PRKG1: variants seen among roughly 807,000 people sequenced by gnomAD.
PRKG1 encodes protein kinase cGMP-dependent 1, also known as cGMP-dependent protein kinase 1.
PRKG1 carries 35 observed loss-of-function variants against 88.1 expected under a neutral mutation model. The ratio of observed to expected loss-of-function variants is 0.40; its 90% CI spans 0.30 to 0.53. The LOEUF is 0.53. PRKG1 is among the 20% of genes least tolerant of loss of function. PRKG1 has a pLI of 0.59. For missense variants in PRKG1, 540 were observed against 839.8 expected (o/e 0.64, Z 4.41); for synonymous variants, 303 against 292.5 (o/e 1.04, Z -0.37).
chr10:51,858,324 T>TAAAA lies in PRKG1; in HGVS notation c.699-49183_699-49182insAAAA, dbSNP rs1448770809. Reference sequence around the variant, plus strand: ...ATAATATATATATGTATAATATGTATTATATATAATATATATATTATATAA... The same window carrying TAAAA: ...ATAATATATATATGTATAATATGTATAAAATATATATAATATATATATTATATAA... On this transcript the variant is annotated intron_variant, in intron 4 of 17. Coordinates refer to ENST00000373980, the MANE Select transcript of PRKG1 (RefSeq NM_006258.4). Among the ~76,000 whole-genome samples the TAAAA allele has an allele frequency of 2.1e-3, 16 of 7,798 alleles. 2 individuals carry two copies. Among genetic ancestry groups the TAAAA allele is most frequent in the South Asian group, 6.1e-3 (1 of 164 alleles). 5.1% of individuals were successfully genotyped at this position (7,798 alleles called of 152,430 possible).
In PRKG1 at chr10:52,273,597, C is replaced by A. The variant is rs182857447; in HGVS notation, c.1403+1116C>A. 2.2e-3 allele frequency among the ~76,000 whole-genome samples: 330 copies of A among 152,144 alleles called. 1 individual carries two copies. Among genetic ancestry groups the A allele is most frequent in the South Asian group, 0.017 (81 of 4,820 alleles). On this transcript the variant is annotated intron_variant, in intron 12 of 17. Coordinates refer to ENST00000373980, the MANE Select transcript of PRKG1 (RefSeq NM_006258.4). The stretch of plus-strand genomic sequence containing the variant: ...CATATCTTTGTACAACAGGCCCTTT[C>A]GTGTTATTCCCATGGCCTTTCTTAT...
At chr10:51,085,721 G>A (rs1482123167) in intron 1 of PRKG1, among the ~76,000 whole-genome samples, 2 of 151,600 alleles carry the variant, frequency 1.3e-5, no homozygotes, top group Non-Finnish European at 2.9e-5. Flanking sequence ...TTTTTACCCC[G>A]TAGTGTATGG....
At chr10:51,139,950 C>T (rs1283757656) in intron 1 of PRKG1, among the ~76,000 whole-genome samples, 1 of 152,234 alleles carries the variant, frequency 6.6e-6, no homozygotes, top group Non-Finnish European at 1.5e-5. Context: ...ATCTGCAAGA[C>T]CATGTCTAAA....
chr10:51,383,156 C>T lies in PRKG1; in HGVS notation c.479-84567C>T, dbSNP rs73332419. On this transcript the variant is annotated intron_variant, in intron 2 of 17. Transcript: ENST00000373980. ...TGTGAGGATAGAGAAGATCCCTGAA[C>T]AACACCAAAGTCTTGTTAGGAAGAA... Among the ~76,000 whole-genome samples the T allele has an allele frequency of 9.5e-3, 1,443 of 152,218 alleles. 18 individuals are homozygous for T. The highest frequency in any genetic ancestry group is 0.033 in the African/African-American group (1,352 of 41,526).
intron 3 of PRKG1, among the ~76,000 whole-genome samples, chr10:51,507,273 C>T (rs1841246112): frequency 6.6e-6 from 1 of 150,870 alleles, no homozygotes; most frequent in South Asian, 2.1e-4. Context: ...GCACTTTGTG[C>T]ACATGTACCC....
intron 9 of PRKG1, chr10:52,231,419 A>AAGAG (rs200201417): frequency 2.0e-5 from 3 of 150,202 alleles, no homozygotes; most frequent in South Asian, 2.1e-4. Context: ...GAAAGAGAGA[A>AAGAG]AGAGAGAGAG....
At chr10:51,759,670 G>T (rs1205020370) in intron 3 of PRKG1, among the ~76,000 whole-genome samples, 1 of 152,144 alleles carries the variant, frequency 6.6e-6, no homozygotes, top group Admixed American at 6.5e-5. Context: ...AAAGTGCAAG[G>T]TTATAGAGCT....
intron 4 of PRKG1, among the ~76,000 whole-genome samples, chr10:51,843,155 G>A (rs1440858933): frequency 7.2e-6 from 1 of 139,586 alleles, no homozygotes; most frequent in Non-Finnish European, 1.5e-5. Flanking sequence ...GGAGTGCAGT[G>A]ACGCAATCTT....
chr10:51,877,889 A>G (rs1408302844), intron 4 of PRKG1, among the ~76,000 whole-genome samples: 1 of 152,168 alleles, frequency 6.6e-6, no homozygotes, highest in Non-Finnish European at 1.5e-5. Flanking sequence ...AATGTGTCTC[A>G]CAATTAGGCC....
chr10:51,623,144 A>G lies in PRKG1; in HGVS notation c.592+155308A>G, dbSNP rs539010337. Reference sequence around the variant, plus strand: ...TCTATTTTAGGTTTCTCATAAAGCTATGTGGGGACAGAGAAATGTGTGCTT... The same window carrying G: ...TCTATTTTAGGTTTCTCATAAAGCTGTGTGGGGACAGAGAAATGTGTGCTT... On this transcript the variant is annotated intron_variant, in intron 3 of 17. Coordinates refer to ENST00000373980, the MANE Select transcript of PRKG1 (RefSeq NM_006258.4). Among the ~76,000 whole-genome samples the G allele has an allele frequency of 3.7e-4, 57 of 152,348 alleles. 2 individuals are homozygous for G. In the South Asian group the frequency reaches 3.9e-3, roughly 11 times the overall value.
intron 4 of PRKG1, among the ~76,000 whole-genome samples, chr10:51,862,472 TACA>T (rs1276544027): frequency 7.2e-5 from 11 of 152,120 alleles, no homozygotes; most frequent in Non-Finnish European, 1.5e-4. Context: ...AAAACCTCTT[TACA>T]ACAAGAGGGG....
At chr10:51,364,976 AC>A (rs1437342461) in intron 2 of PRKG1, among the ~76,000 whole-genome samples, 1 of 151,970 alleles carries the variant, frequency 6.6e-6, no homozygotes, top group East Asian at 1.9e-4. Flanking sequence ...TACTTTAGTA[AC>A]AGTTATAATG....
chr10:52,137,950 TG>T (rs1401172870), intron 8 of PRKG1, among the ~76,000 whole-genome samples: 1 of 152,136 alleles, frequency 6.6e-6, no homozygotes, highest in African/African-American at 2.4e-5. Context: ...AGGATCATTT[TG>T]ACAATTGTTC....
At chr10:51,106,880 G>A (rs1215942877) in intron 1 of PRKG1, among the ~76,000 whole-genome samples, 2 of 152,158 alleles carry the variant, frequency 1.3e-5, no homozygotes, top group Non-Finnish European at 2.9e-5. Context: ...CATGATGTCA[G>A]GGACACAATA....
At chr10:52,044,794 C>G (rs1845826718) in intron 5 of PRKG1, among the ~76,000 whole-genome samples, 1 of 152,100 alleles carries the variant, frequency 6.6e-6, no homozygotes, top group African/African-American at 2.4e-5. Flanking sequence ...ACAAGGGACA[C>G]AGCAGCATAC....
At chr10:51,600,790 G>A (rs907784755) in intron 3 of PRKG1, among the ~76,000 whole-genome samples, 2 of 152,018 alleles carry the variant, frequency 1.3e-5, no homozygotes, top group African/African-American at 4.8e-5. Flanking sequence ...GACATATCAA[G>A]CTTTAGATCT....
intron 2 of PRKG1, among the ~76,000 whole-genome samples, chr10:51,276,976 T>C (rs574033605): frequency 3.9e-5 from 6 of 152,328 alleles, no homozygotes; most frequent in South Asian, 2.1e-4. Context: ...TTAGATCCCA[T>C]TTGTCATTTT....
chr10:52,038,392 T>G (rs545324279), intron 5 of PRKG1, among the ~76,000 whole-genome samples: 2 of 144,252 alleles, frequency 1.4e-5, no homozygotes, highest in East Asian at 4.1e-4. Flanking sequence ...AGCACAGAAA[T>G]AAGGGGTAGG....
At chr10:51,337,556 A>G (rs1420473980) in intron 2 of PRKG1, among the ~76,000 whole-genome samples, 1 of 152,148 alleles carries the variant, frequency 6.6e-6, no homozygotes, top group Non-Finnish European at 1.5e-5. Flanking sequence ...AACTTAAACA[A>G]ATTTACAAGA....
Sources: allele counts gnomAD v4.1 joint callset (sites outside exome capture counted in the v4.1 genomes callset), GRCh38; gene constraint gnomAD v4.1.1; transcripts MANE v1.5; gene names NCBI Gene and HGNC (gene_info 2026-07-23, HGNC 2026-07-21).